Variants in DYSF observed in about 807,000 individuals in gnomAD.
The protein encoded by DYSF is dysferlin, also known as dystrophy-associated fer-1-like 1.
DYSF carries 212 observed loss-of-function variants against 274.9 expected under a neutral mutation model. The ratio of observed to expected loss-of-function variants is 0.77; its 90% confidence interval spans 0.69 to 0.86. The LOEUF is 0.86. Ranked by LOEUF, DYSF falls within the 40% of genes least tolerant of loss-of-function variation. The probability of loss-of-function intolerance (pLI) is 0.00; values close to 1 mark genes in which losing one functional copy is unlikely to be tolerated. For missense variants in DYSF, 2,666 were observed against 2,783.2 expected (o/e 0.96, Z 0.95); for synonymous variants, 1,091 against 1,078.7 (o/e 1.01, Z -0.22).
At chr2:71,550,934 G>C (rs534825349) in intron 17 of DYSF, 107 bp from the exon 18 acceptor site, 43 of 877,722 alleles carry the variant, frequency 4.9e-5, no homozygotes, top group African/African-American at 4.1e-4. Context: ...TGGTGCATGT[G>C]GGGGGGAACT....
Position 71,551,024 on chromosome 2 carries a change from C to A in DYSF, c.1577-17C>A, listed in dbSNP as rs540107888. On this transcript the variant is annotated splice_polypyrimidine_tract_variant and intron_variant, in intron 17 of 55. Coordinates refer to ENST00000410020, the MANE Select transcript of DYSF (RefSeq NM_001130987.2). ...CCCACTGGGCCGACCCCTCTGATTG[C>A]CACTTGTGTCTCCCAGTGGATGACT... The A allele has an allele frequency of 2.5e-6, 4 of 1,611,730 alleles. No homozygotes were observed. The South Asian group carries it at 4.4e-5, about 18-fold the overall frequency.
intron 41 of DYSF, among the ~76,000 whole-genome samples, chr2:71,643,756 A>G (rs567509448): frequency 6.6e-6 from 1 of 152,290 alleles, no homozygotes; most frequent in Admixed American, 6.5e-5. Flanking sequence ...CCGCCTCTCA[A>G]CACCAACCAA....
At chr2:71,588,982 C>T (rs72827577) in intron 30 of DYSF, among the ~76,000 whole-genome samples, 3,268 of 152,170 alleles carry the variant, frequency 0.021, 53 homozygotes, top group African/African-American at 0.025. Context: ...CTAATGAGGG[C>T]GAGGTGGCAG....
chr2:71,636,880 A>C (rs2094411751), intron 41 of DYSF, among the ~76,000 whole-genome samples: 1 of 152,092 alleles, frequency 6.6e-6, no homozygotes, highest in Admixed American at 6.5e-5. Flanking sequence ...GGAGGACAGC[A>C]CTGTGGTGCT....
chr2:71,611,666 G>C, intron 38 of DYSF, 40 bp downstream of exon 38: 2 of 1,604,910 alleles, frequency 1.2e-6, no homozygotes, highest in Non-Finnish European at 1.7e-6. Context: ...CAGAGTCCTG[G>C]GGCTAGAAGT....
At chr2:71,564,873 G>A (rs1414082237) in intron 24 of DYSF, among the ~76,000 whole-genome samples, 2 of 152,228 alleles carry the variant, frequency 1.3e-5, no homozygotes, top group Non-Finnish European at 2.9e-5. Context: ...TGCTTGGGGA[G>A]AGCCCATCTG....
intron 4 of DYSF, among the ~76,000 whole-genome samples, chr2:71,509,513 C>T (rs2085859861): frequency 6.6e-6 from 1 of 152,086 alleles, no homozygotes; most frequent in Non-Finnish European, 1.5e-5. Flanking sequence ...TTCATTATTG[C>T]TTTGATGATT....
intron 34 of DYSF, 63 bp from the exon 35 acceptor site, chr2:71,601,436 A>T: frequency 6.2e-7 from 1 of 1,604,650 alleles, no homozygotes; most frequent in Non-Finnish European, 8.5e-7. Flanking sequence ...CATGAGTGTC[A>T]TGAGGGTGAT....
At chr2:71,681,135 A>G (rs772774809) in intron 54 of DYSF, 25 bp downstream of exon 54, 6 of 1,602,838 alleles carry the variant, frequency 3.7e-6, no homozygotes, top group Non-Finnish European at 5.1e-6. Flanking sequence ...CCTGAGCCCC[A>G]ATGCCCACAG....
Position 71,494,635 on chromosome 2 carries a change from C to T in DYSF, c.240-8579C>T, listed in dbSNP as rs966517738. Among the ~76,000 whole-genome samples the T allele has an allele frequency of 3.9e-5, 6 of 152,316 alleles. No individual in the cohort carries two copies. In the South Asian group the frequency reaches 1.0e-3, roughly 26 times the overall value. ...CAGTGGTGCTGGCATAACCCCAGGG[C>T]CACCACGCATTGATCCCTACCTGTG... On this transcript the variant is annotated intron_variant, in intron 3 of 55. Transcript: ENST00000410020.
At chr2:71,513,651 C>T in intron 6 of DYSF, 65 bp from the exon 7 acceptor site, 1 of 1,568,786 alleles carries the variant, frequency 6.4e-7, no homozygotes. Flanking sequence ...TGGGCTGGGT[C>T]CCAGGGGCAG....
At chr2:71,602,669 G>A (rs1474837739) in intron 35 of DYSF, 107 bp from the exon 36 acceptor site, 2 of 1,231,906 alleles carry the variant, frequency 1.6e-6, no homozygotes, top group African/African-American at 3.0e-5. Flanking sequence ...CTGGCATGCT[G>A]ACCTCTGGCC....
intron 17 of DYSF, among the ~76,000 whole-genome samples, chr2:71,543,642 TC>T (rs1430051704): frequency 6.6e-6 from 1 of 152,190 alleles, no homozygotes; most frequent in Non-Finnish European, 1.5e-5. Context: ...GGCAGATCAC[TC>T]GCGGTTAGGA....
At chr2:71,550,467 G>A (rs765100899) in intron 17 of DYSF, among the ~76,000 whole-genome samples, 2 of 152,250 alleles carry the variant, frequency 1.3e-5, no homozygotes, top group Non-Finnish European at 2.9e-5. Context: ...CAGAGGGTAT[G>A]TGCCTGGGGG....
chr2:71,608,098 G>A (rs184537126), intron 36 of DYSF, among the ~76,000 whole-genome samples: 232 of 152,162 alleles, frequency 1.5e-3, no homozygotes, highest in African/African-American at 5.3e-3. Context: ...AAGAGCCCAC[G>A]AGTGTCCTTC....
At chr2:71,514,480 C>T (rs1041778883) in intron 7 of DYSF, among the ~76,000 whole-genome samples, 3 of 152,180 alleles carry the variant, frequency 2.0e-5, no homozygotes, top group African/African-American at 7.2e-5. Context: ...TTTGTTCAAG[C>T]TCATCACAGA....
At chr2:71,529,470 A>G (rs910355945) in intron 14 of DYSF, among the ~76,000 whole-genome samples, 3 of 152,228 alleles carry the variant, frequency 2.0e-5, no homozygotes, top group African/African-American at 7.2e-5. Context: ...AGTTAGGTCT[A>G]GAGACTCCAT....
rs201935370 is a variant in DYSF at position 71,682,513 on chromosome 2, C to T, written c.6174-17C>T. On this transcript the variant is annotated splice_polypyrimidine_tract_variant and intron_variant, in intron 54 of 55. Transcript: ENST00000410020. ...TAGTAAAGGATGCCCAGTTGACCTCCGGGATCTCGCTTCCAGGCGCCCCGA... is the reference window on the plus strand; with the variant it reads ...TAGTAAAGGATGCCCAGTTGACCTCTGGGATCTCGCTTCCAGGCGCCCCGA... The T allele has an allele frequency of 3.8e-5, 61 of 1,614,106 alleles. No individual in the cohort carries two copies. The highest frequency in any genetic ancestry group is 6.7e-5 in the East Asian group (3 of 44,866).
At chr2:71,580,510 A>G (rs1424507305) in intron 30 of DYSF, among the ~76,000 whole-genome samples, 2 of 152,220 alleles carry the variant, frequency 1.3e-5, no homozygotes, top group African/African-American at 2.4e-5. Flanking sequence ...TGCTGTGGGC[A>G]GGGGACCCAG....
Sources: gnomAD v4.1 joint callset for allele counts (sites outside exome capture counted in the v4.1 genomes callset) on GRCh38, gnomAD v4.1.1 for gene constraint, MANE v1.5 for transcripts, NCBI Gene and HGNC (gene_info 2026-07-23, HGNC 2026-07-21) for gene names.